The following PTPRN2 variants were observed in gnomAD, a reference collection of about 807,000 sequenced individuals.
PTPRN2 encodes protein tyrosine phosphatase receptor type N2.
A neutral mutation model predicts 118.8 loss-of-function variants in PTPRN2; 74 were observed. That is an observed-to-expected ratio of 0.62 (90% CI 0.52 to 0.76). PTPRN2 has a LOEUF of 0.76. Ranked by LOEUF, PTPRN2 falls within the 30% of genes least tolerant of loss-of-function variation. The pLI is 0.00. For synonymous variants in PTPRN2, 641 were observed against 608.0 expected (o/e 1.05, Z -0.80); for missense variants, 1,481 against 1,394.4 (o/e 1.06, Z -0.99).
At chr7:157,604,675 T>C (rs1801894371) in intron 15 of PTPRN2, among the ~76,000 whole-genome samples, 1 of 152,028 alleles carries the variant, frequency 6.6e-6, no homozygotes, top group South Asian at 2.1e-4. Flanking sequence ...AAGAGACAAA[T>C]AAAATGCAGA....
intron 2 of PTPRN2, among the ~76,000 whole-genome samples, chr7:158,447,978 C>T (rs1357237512): frequency 2.0e-5 from 3 of 152,222 alleles, no homozygotes; most frequent in Non-Finnish European, 4.4e-5. Context: ...CCGGCATCAT[C>T]GTCAGCCCGA....
intron 1 of PTPRN2, among the ~76,000 whole-genome samples, chr7:158,522,824 C>T (rs1041423433): frequency 9.9e-5 from 15 of 152,198 alleles, no homozygotes; most frequent in African/African-American, 3.6e-4. Flanking sequence ...ATCACGAGTT[C>T]TTCCAACAGC....
chr7:157,736,580 T>C (rs1054752066), intron 12 of PTPRN2, among the ~76,000 whole-genome samples: 2 of 146,928 alleles, frequency 1.4e-5, no homozygotes, highest in Non-Finnish European at 3.0e-5. Flanking sequence ...GGTCTGGGAC[T>C]GTCAGAGCTG....
intron 11 of PTPRN2, among the ~76,000 whole-genome samples, chr7:158,071,403 G>A (rs1390807557): frequency 1.1e-4 from 12 of 108,388 alleles, no homozygotes; most frequent in African/African-American, 3.3e-4. Context: ...GGTGCTCGTG[G>A]TGGAGTTGCT....
intron 1 of PTPRN2, among the ~76,000 whole-genome samples, chr7:158,490,814 G>A (rs1821394261): frequency 6.6e-6 from 1 of 152,336 alleles, no homozygotes; most frequent in Non-Finnish European, 1.5e-5. Flanking sequence ...CTGCCCAGGC[G>A]TCCTTTTCGG....
At chr7:157,823,815 C>A (rs1807001805) in intron 12 of PTPRN2, among the ~76,000 whole-genome samples, 1 of 152,108 alleles carries the variant, frequency 6.6e-6, no homozygotes, top group African/African-American at 2.4e-5. Context: ...TCAAGCTTTT[C>A]CCTAAGCATG....
rs370520124 is a variant in PTPRN2 at position 157,578,007 on chromosome 7, T to C, written c.2616+14A>G. The C allele has an allele frequency of 5.0e-6, 8 of 1,598,146 alleles. No individual in the cohort carries two copies. Among genetic ancestry groups the C allele is most frequent in the Non-Finnish European group, 6.8e-6 (8 of 1,168,364 alleles). On this transcript the variant is annotated intron_variant, in intron 18 of 22. Transcript: ENST00000389418. ...GCTGGTGGGTCCTGCCCTGGGTGGC[T>C]CTGGTCGGAGTACCTCATAGATGTG...
intron 3 of PTPRN2, among the ~76,000 whole-genome samples, chr7:158,267,882 T>TTCCTACCTCCTTCACCTCACC (rs1168218829): frequency 6.6e-6 from 1 of 152,140 alleles, no homozygotes; most frequent in Non-Finnish European, 1.5e-5. Context: ...GGAACACTGT[T>TTCCTACCTCCTTCACCTCACC]TCCTACCTCC....
At chr7:157,887,174 G>T (rs1173522014) in intron 12 of PTPRN2, among the ~76,000 whole-genome samples, 1 of 152,098 alleles carries the variant, frequency 6.6e-6, no homozygotes, top group East Asian at 1.9e-4. Flanking sequence ...GGCTTATCTG[G>T]GGTCCTCAGA....
intron 1 of PTPRN2, among the ~76,000 whole-genome samples, chr7:158,541,961 C>T (rs1017587285): frequency 6.6e-6 from 1 of 152,238 alleles, no homozygotes; most frequent in African/African-American, 2.4e-5. Context: ...TTTATTACAA[C>T]CATGAATTAA....
intron 9 of PTPRN2, among the ~76,000 whole-genome samples, chr7:158,115,323 G>A (rs1257835616): frequency 6.6e-6 from 1 of 152,140 alleles, no homozygotes; most frequent in African/African-American, 2.4e-5. Context: ...CCGTGGTAAT[G>A]GTGACTGAAG....
chr7:158,500,711 C>T lies in PTPRN2; in HGVS notation c.113-10926G>A, dbSNP rs372232684. Among the ~76,000 whole-genome samples the T allele has an allele frequency of 4.3e-4, 65 of 152,384 alleles. 3 individuals carry two copies. The South Asian group carries it at 5.0e-3, about 12-fold the overall frequency. ...TGCCTCTCACTGGGGCGCAGCAAAC[C>T]AGACAACAGAACTGAAGTTGAAAGA... On this transcript the variant is annotated intron_variant, in intron 1 of 22. Coordinates refer to ENST00000389418, the MANE Select transcript of PTPRN2 (RefSeq NM_002847.5).
rs1824774750 is a variant in PTPRN2, at chr7:158,526,249, C to A, written c.113-36464G>T. Among the ~76,000 whole-genome samples the A allele has an allele frequency of 6.6e-6, 1 of 152,198 alleles. No homozygotes were observed. The highest frequency in any genetic ancestry group is 2.1e-4 in the South Asian group (1 of 4,834). On this transcript the variant is annotated intron_variant, in intron 1 of 22. Coordinates refer to ENST00000389418, the MANE Select transcript of PTPRN2 (RefSeq NM_002847.5). This position sits in a 1 kb window ranked among gnomAD's most constrained non-coding sequence, Gnocchi z 5.2. The stretch of plus-strand genomic sequence containing the variant: ...TGTGGCGAAGGGGTCACCCCTCGTG[C>A]AGGCTCAGGCCCTCCCTGCCCACCT...
chr7:158,584,703 G>T (rs1027049164), intron 1 of PTPRN2, among the ~76,000 whole-genome samples: 1 of 152,186 alleles, frequency 6.6e-6, no homozygotes, highest in African/African-American at 2.4e-5. Flanking sequence ...CTACCACAGG[G>T]TGCTGCCAAC....
chr7:158,151,402 C>T (rs1585648623), intron 6 of PTPRN2, among the ~76,000 whole-genome samples: 3 of 151,980 alleles, frequency 2.0e-5, no homozygotes, highest in East Asian at 3.9e-4. Flanking sequence ...CTTTCTATTC[C>T]TGCCTCTCCC....
chr7:157,546,753 G>A (rs1349951333), intron 22 of PTPRN2, among the ~76,000 whole-genome samples: 1 of 152,188 alleles, frequency 6.6e-6, no homozygotes, highest in Non-Finnish European at 1.5e-5. Context: ...CGGAAGACCT[G>A]GCATGTAATG....
intron 11 of PTPRN2, among the ~76,000 whole-genome samples, chr7:157,910,371 C>T (rs1412018781): frequency 4.9e-5 from 7 of 143,054 alleles, no homozygotes; most frequent in Non-Finnish European, 7.6e-5. Flanking sequence ...GCACGTACGC[C>T]GGATCACGCA....
rs1563339845 is a variant in PTPRN2 at position 157,682,728 on chromosome 7, G to A, written c.1998C>T (p.Tyr666=). ...GDPGADATAA[Y]QELCRQRMAT... ...TTTTTAAAAAGTCTCCTCTTACCTG[G>A]TAGGCGGCAGTGGCATCTGCACCTG... is the stretch of plus-strand genomic sequence containing the variant. Residue 666 remains tyrosine, a synonymous_variant, in exon 13 of 23, where the codon TAC becomes TAT. Coordinates refer to ENST00000389418, the MANE Select transcript of PTPRN2 (RefSeq NM_002847.5). The A allele has an allele frequency of 3.1e-6, 5 of 1,612,726 alleles. No homozygotes were observed. Among genetic ancestry groups the A allele is most frequent in the Middle Eastern group, 1.7e-4 (1 of 6,058 alleles).
intron 2 of PTPRN2, among the ~76,000 whole-genome samples, chr7:158,376,347 G>A (rs1049678827): frequency 3.3e-5 from 5 of 150,266 alleles, no homozygotes; most frequent in African/African-American, 1.2e-4. Context: ...TGCACGTGGG[G>A]TTAGGGGACT....
Sources: gnomAD v4.1 joint callset for allele counts (sites outside exome capture counted in the v4.1 genomes callset) on GRCh38, gnomAD v4.1.1 for gene constraint, Gnocchi (gnomAD v3.1) non-coding constraint, MANE v1.5 for transcripts, NCBI Gene and HGNC (gene_info 2026-07-23, HGNC 2026-07-21) for gene names.